GLI3: variants seen among roughly 807,000 people sequenced by gnomAD.
The protein encoded by GLI3 is GLI family zinc finger 3, also known as transcription activator GLI3.
Under a neutral mutation model 100.8 loss-of-function variants are expected in GLI3, and 20 were observed. That is an observed-to-expected ratio of 0.20 (90% CI 0.14 to 0.29). The LOEUF (loss-of-function observed/expected upper bound fraction) is 0.29, where lower values mean the gene tolerates loss of function less well. Ranked by LOEUF, GLI3 falls within the 10% of genes least tolerant of loss-of-function variation. GLI3 has a pLI of 1.00. For synonymous variants in GLI3, 938 were observed against 860.5 expected (o/e 1.09, Z -1.58); for missense variants, 2,040 against 2,128.5 (o/e 0.96, Z 0.82).
Position 42,057,050 on chromosome 7 carries a change from C to G in GLI3, c.474-8354G>C, listed in dbSNP as rs919741852. On this transcript the variant is annotated intron_variant, in intron 4 of 14. Coordinates refer to ENST00000395925, the MANE Select transcript of GLI3 (RefSeq NM_000168.6). ...CTTAATATTCCATGAATGAAAAAGACAAGTGGTTATTTAAGAAAAGAAATA... is the reference window on the plus strand; with the variant it reads ...CTTAATATTCCATGAATGAAAAAGAGAAGTGGTTATTTAAGAAAAGAAATA... Among the ~76,000 whole-genome samples, 7 of 150,132 alleles carry G rather than the reference C, an allele frequency of 4.7e-5. No individual in the cohort carries two copies. In the East Asian group the frequency reaches 1.4e-3, roughly 29 times the overall value.
intron 1 of GLI3, among the ~76,000 whole-genome samples, chr7:42,224,223 T>C (rs1323368180): frequency 1.3e-5 from 2 of 152,234 alleles, no homozygotes; most frequent in Non-Finnish European, 2.9e-5. Flanking sequence ...CTTCAAGTTA[T>C]CTAGATTGCA....
At chr7:42,167,877 A>G (rs1222958701) in intron 2 of GLI3, among the ~76,000 whole-genome samples, 1 of 152,226 alleles carries the variant, frequency 6.6e-6, no homozygotes, top group Non-Finnish European at 1.5e-5. Context: ...ATTCTGCCAA[A>G]AGATCACACA....
intron 2 of GLI3, among the ~76,000 whole-genome samples, chr7:42,198,328 G>A (rs1787971203): frequency 6.6e-6 from 1 of 152,226 alleles, no homozygotes; most frequent in South Asian, 2.1e-4. Context: ...CTGGGCCAGG[G>A]CAGGTTCGGA....
At chr7:42,153,635 G>A (rs1786931086) in intron 2 of GLI3, among the ~76,000 whole-genome samples, 1 of 152,082 alleles carries the variant, frequency 6.6e-6, no homozygotes. Flanking sequence ...AGCCAAATGA[G>A]ATTCTAACAA....
At chr7:42,122,808 G>GA (rs1375680522) in intron 3 of GLI3, among the ~76,000 whole-genome samples, 2 of 152,182 alleles carry the variant, frequency 1.3e-5, no homozygotes, top group African/African-American at 4.8e-5. Flanking sequence ...TGCTGAATCA[G>GA]AAAAGACACC....
intron 10 of GLI3, among the ~76,000 whole-genome samples, chr7:41,987,175 TTGAGACAGAG>T (rs879851619): frequency 5.9e-5 from 9 of 151,758 alleles, no homozygotes; most frequent in Admixed American, 1.3e-4. Context: ...TTTTATTTTT[TTGAGACAGAG>T]TGAGACAGAG....
chr7:42,065,857 A>G (rs1311698385), intron 4 of GLI3, among the ~76,000 whole-genome samples: 1 of 152,168 alleles, frequency 6.6e-6, no homozygotes, highest in Non-Finnish European at 1.5e-5. Context: ...AGCCTCTTTC[A>G]CTGATTTTAA....
intron 10 of GLI3, among the ~76,000 whole-genome samples, chr7:42,004,849 T>C (rs1788406395): frequency 6.6e-6 from 1 of 152,226 alleles, no homozygotes; most frequent in African/African-American, 2.4e-5. Context: ...AAAATCCGAA[T>C]GGTATATTCT....
At chr7:41,969,828 A>G (rs1377813531) in intron 13 of GLI3, among the ~76,000 whole-genome samples, 2 of 152,250 alleles carry the variant, frequency 1.3e-5, no homozygotes, top group Non-Finnish European at 2.9e-5. Flanking sequence ...GATCTTCCTC[A>G]AAGAAGGTGG....
intron 7 of GLI3, among the ~76,000 whole-genome samples, chr7:42,033,503 A>G (rs1185491821): frequency 1.3e-5 from 2 of 152,210 alleles, no homozygotes; most frequent in African/African-American, 2.4e-5. Context: ...TTGCTCATGA[A>G]ATCAAGATTG....
At position 41,970,374 on chromosome 7, in the gene GLI3, C is replaced by CA. The variant is rs1562662975; in HGVS notation, c.2103+1962dup. On this transcript the variant is annotated intron_variant, in intron 13 of 14. Coordinates refer to ENST00000395925, the MANE Select transcript of GLI3 (RefSeq NM_000168.6). ...ACTTTTAAATGTGTGTGAGCATATA[C>CA]ACACATAATATCTGCTGTGGAAATG... Among the ~76,000 whole-genome samples the CA allele has an allele frequency of 2.6e-5, 4 of 152,228 alleles. No homozygotes were observed. The South Asian group carries it at 8.3e-4, about 32-fold the overall frequency.
intron 2 of GLI3, among the ~76,000 whole-genome samples, chr7:42,182,656 A>ATATATATACATGTG (rs1562775685): frequency 1.9e-5 from 1 of 53,676 alleles, no homozygotes; most frequent in African/African-American, 1.1e-4. Context: ...ATATATATAT[A>ATATATATACATGTG]TATATATATA....
rs181298166 is a variant in GLI3 at position 42,105,910 on chromosome 7, A to G, written c.368-29053T>C. Among the ~76,000 whole-genome samples, 94 of 152,292 alleles carry G rather than the reference A, an allele frequency of 6.2e-4. 1 individual carries two copies. The East Asian group carries it at 0.014, about 22-fold the overall frequency. On this transcript the variant is annotated intron_variant, in intron 3 of 14. Coordinates refer to ENST00000395925, the MANE Select transcript of GLI3 (RefSeq NM_000168.6). The stretch of plus-strand genomic sequence containing the variant: ...GGGTGTGAGGTCACGCCCGAGGTAC[A>G]TCCGCTTATCCAAGGGGCCCAGACA...
At chr7:42,193,880 GT>G in intron 2 of GLI3, among the ~76,000 whole-genome samples, 1 of 152,280 alleles carries the variant, frequency 6.6e-6, no homozygotes, top group African/African-American at 2.4e-5. Context: ...ATGTTAGCAT[GT>G]TCCCATATTT....
chr7:41,965,768 G>T lies in GLI3; in HGVS notation c.3305C>A (p.Ser1102Tyr), dbSNP rs781124240. Residue 1102 changes from serine (S) to tyrosine (Y), a missense_variant, in exon 15 of 15, where the codon TCC becomes TAC. Physicochemically the swap from Ser to Tyr is moderately radical, Grantham distance 144. Around this residue, in one of 5 missense-constraint regions of GLI3, gnomAD observed 1,041 missense variants for 924.0 expected, o/e 1.13. Transcript: ENST00000395925. ...CTGCTCGTACCCTGCTTGGTTCTGG[G>T]AATTTAAATACTGCACCACGTCGTC... ...LPDDVVQYLN[S>Y]QNQAGYEQHF... 19 of 1,613,288 alleles carry T rather than the reference G, an allele frequency of 1.2e-5. No homozygotes were observed. Among genetic ancestry groups the T allele is most frequent in the Admixed American group, 8.3e-5 (5 of 59,988 alleles).
At chr7:42,199,596 A>G (rs1787996474) in intron 2 of GLI3, among the ~76,000 whole-genome samples, 1 of 152,184 alleles carries the variant, frequency 6.6e-6, no homozygotes, top group Non-Finnish European at 1.5e-5. Flanking sequence ...GACTGTATAT[A>G]TGTGCGTGTA....
intron 3 of GLI3, among the ~76,000 whole-genome samples, chr7:42,116,808 C>T (rs1053753120): frequency 3.3e-5 from 5 of 152,044 alleles, no homozygotes; most frequent in African/African-American, 4.8e-5. Flanking sequence ...TTTTAACACG[C>T]CATAATTTAA....
chr7:42,089,448 C>CTACTGGTCATCTTGACACCAATATA, intron 3 of GLI3, among the ~76,000 whole-genome samples: 1 of 152,182 alleles, frequency 6.6e-6, no homozygotes, highest in African/African-American at 2.4e-5. Context: ...TGATGGCAAC[C>CTACTGGTCATCTTGACACCAATATA]TACTGGTCAT....
intron 1 of GLI3, among the ~76,000 whole-genome samples, chr7:42,244,930 A>G (rs1035335746): frequency 6.6e-6 from 1 of 152,210 alleles, no homozygotes; most frequent in African/African-American, 2.4e-5. Flanking sequence ...TATTAAAGAC[A>G]AGGTTTTAGG....
Sources: allele counts gnomAD v4.1 joint callset (sites outside exome capture counted in the v4.1 genomes callset), GRCh38; gene constraint gnomAD v4.1.1; regional missense constraint gnomAD v4.1.1; transcripts MANE v1.5; gene names NCBI Gene and HGNC (gene_info 2026-07-23, HGNC 2026-07-21).